Variants in IL3RA observed in about 807,000 individuals in gnomAD.
IL3RA encodes interleukin-3 receptor subunit alpha.
In IL3RA, 73 loss-of-function variants were observed where a neutral mutation model predicts 52.3. The observed-to-expected ratio is 1.40, with a 90% CI of 1.16 to 1.70. The LOEUF is 1.70. Among genes scored for constraint, IL3RA ranks in the 40% most tolerant of loss-of-function variants. IL3RA has a pLI of 0.00. For missense variants in IL3RA, 664 were observed against 504.4 expected (o/e 1.32, Z -3.03); for synonymous variants, 260 against 194.0 (o/e 1.34, Z -2.83).
rs781209956 is a variant in IL3RA, at chrX:1,367,923, C to T, written c.874+2671C>T. On this transcript the variant is annotated intron_variant, in intron 9 of 11. Transcript: ENST00000331035. ...TGTGACCCCAAAAAGGACCCTGAAC[C>T]CGACGGTGAACTCACAGCTTGCTCT... Among the ~76,000 whole-genome samples, 17 of 152,034 alleles carry T rather than the reference C, an allele frequency of 1.1e-4. 1 individual carries two copies. The East Asian group carries it at 2.9e-3, about 26-fold the overall frequency.
chrX:1,377,645 G>T (rs1321818239), intron 9 of IL3RA, among the ~76,000 whole-genome samples: 1 of 151,460 alleles, frequency 6.6e-6, no homozygotes, highest in East Asian at 1.9e-4. Flanking sequence ...CATAGGTTCT[G>T]GGGGTGAGGT....
chrX:1,346,085 C>G (rs757954647), intron 3 of IL3RA, among the ~76,000 whole-genome samples: 1 of 151,762 alleles, frequency 6.6e-6, no homozygotes, highest in Admixed American at 6.6e-5. Flanking sequence ...GAGGCTGAGG[C>G]GGGCGGATCA....
rs1159124220 is a variant in IL3RA, at chrX:1,382,430, C to G, written c.1102C>G (p.Leu368Val). The change falls in exon 12 of 12, where the codon CTG (leucine) becomes GTG (valine). Residue 368 changes from leucine to valine, a missense_variant. By Grantham distance (32) the Leu-to-Val change is conservative. Transcript: ENST00000331035. ...GGGCAAAGCCGGCCTGGAGGAGTGT[C>G]TGGTGACTGAAGTACAGGTCGTGCA... Reference protein sequence around the residue: ...EAGKAGLEECLVTEVQVVQKT With the variant: ...EAGKAGLEECVVTEVQVVQKT The G allele has an allele frequency of 2.7e-5, 44 of 1,613,780 alleles. No homozygotes were observed. Among genetic ancestry groups the G allele is most frequent in the Non-Finnish European group, 3.5e-5 (41 of 1,179,854 alleles).
At chrX:1,370,704 C>A (rs1297873030) in intron 9 of IL3RA, among the ~76,000 whole-genome samples, 1 of 29,262 alleles carries the variant, frequency 3.4e-5, no homozygotes, top group African/African-American at 2.2e-4. Context: ...TTCTAAGCCG[C>A]CCAGCCTCTG....
chrX:1,338,078 G>C (rs2085371231), intron 1 of IL3RA, among the ~76,000 whole-genome samples: 2 of 150,594 alleles, frequency 1.3e-5, no homozygotes, highest in South Asian at 4.2e-4. Flanking sequence ...GGAACAAGCA[G>C]CTTTATTCAC....
chrX:1,345,292 A>C (rs1218472940), intron 2 of IL3RA, 24 bp from the exon 3 acceptor site: 1 of 1,546,398 alleles, frequency 6.5e-7, no homozygotes, highest in Middle Eastern at 1.7e-4. Flanking sequence ...TATCTCTTCG[A>C]ACTCCAACCT....
chrX:1,346,843 C>CTA (rs1282560400), intron 3 of IL3RA, among the ~76,000 whole-genome samples: 4 of 151,214 alleles, frequency 2.6e-5, no homozygotes, highest in Non-Finnish European at 5.9e-5. Flanking sequence ...CCTCCAAGAG[C>CTA]TATGTTCGTT....
intron 2 of IL3RA, among the ~76,000 whole-genome samples, chrX:1,342,462 G>A (rs758085078): frequency 1.1e-4 from 17 of 151,732 alleles, no homozygotes; most frequent in South Asian, 2.1e-4. Context: ...CACAGCGCCC[G>A]GCCTTTTTTT....
chrX:1,365,010 T>C, intron 8 of IL3RA, 128 bp from the exon 9 acceptor site: 3 of 614,240 alleles, frequency 4.9e-6, no homozygotes, highest in Non-Finnish European at 9.0e-6. Context: ...GGTTTCACCA[T>C]GTTGGCCAGG....
Position 1,361,412 on chromosome X carries a change from G to GT in IL3RA, c.759+2526dup, listed in dbSNP as rs1395220767. On this transcript the variant is annotated intron_variant, in intron 8 of 11. Coordinates refer to ENST00000331035, the MANE Select transcript of IL3RA (RefSeq NM_002183.4). The stretch of plus-strand genomic sequence containing the variant: ...GGAGGCCTCACGATCACGGCAGAAG[G>GT]TGAAGGAGGAGGAAAGGCATGTCTT... Among the ~76,000 whole-genome samples the GT allele has an allele frequency of 6.6e-5, 10 of 152,088 alleles. No individual in the cohort carries two copies. In the South Asian group the frequency reaches 1.5e-3, roughly 22 times the overall value.
chrX:1,349,200 T>TTA (rs1386845201), intron 4 of IL3RA, among the ~76,000 whole-genome samples: 1 of 150,846 alleles, frequency 6.6e-6, no homozygotes. Context: ...TTTTTTTTTT[T>TTA]AGACAGAGTC....
At chrX:1,355,970 G>A (rs1420265401) in intron 6 of IL3RA, among the ~76,000 whole-genome samples, 1 of 152,008 alleles carries the variant, frequency 6.6e-6, no homozygotes, top group African/African-American at 2.4e-5. Context: ...TCTGAAGGCT[G>A]CTCCCAGGAC....
intron 9 of IL3RA, among the ~76,000 whole-genome samples, chrX:1,368,042 A>G (rs1374357694): frequency 6.6e-6 from 1 of 152,038 alleles, no homozygotes; most frequent in Non-Finnish European, 1.5e-5. Flanking sequence ...GGCGGATCAC[A>G]AGGTCAGGAG....
chrX:1,379,196 C>T (rs2089006025), intron 10 of IL3RA, among the ~76,000 whole-genome samples: 1 of 151,538 alleles, frequency 6.6e-6, no homozygotes, highest in African/African-American at 2.4e-5. Flanking sequence ...TGCTCTGTCA[C>T]CCAGGCTGGA....
At position 1,381,116 on chromosome X, in the gene IL3RA, T is replaced by A; in HGVS notation, c.1062+12T>A. 6.2e-7 allele frequency: 1 copy of A among 1,613,380 alleles called. No individual in the cohort carries two copies. On this transcript the variant is annotated intron_variant, in intron 11 of 11. Coordinates refer to ENST00000331035, the MANE Select transcript of IL3RA (RefSeq NM_002183.4). Reference sequence around the variant, plus strand: ...AAAACGACAAGCTGGTATGTTGTTTTTTCTGCCTTGGGACGGGTCTGGAGG... The same window carrying A: ...AAAACGACAAGCTGGTATGTTGTTTATTCTGCCTTGGGACGGGTCTGGAGG...
At chrX:1,358,694 G>A (rs2086924617) in intron 7 of IL3RA, among the ~76,000 whole-genome samples, 167 bp from the exon 8 acceptor site, 1 of 152,034 alleles carries the variant, frequency 6.6e-6, no homozygotes, top group Non-Finnish European at 1.5e-5. Context: ...TTGGTCAGGT[G>A]CTATTTACTC....
rs1426893137 is a variant in IL3RA at position 1,348,032 on chromosome X, C to G, written c.184-399C>G. Among the ~76,000 whole-genome samples, 24 of 80,002 alleles carry G rather than the reference C, an allele frequency of 3.0e-4. No individual in the cohort carries two copies. The East Asian group carries it at 4.4e-3, about 15-fold the overall frequency. The allele number at this position is 80,002 out of a possible 152,430, so 52.5% of individuals were successfully genotyped here. A position where few individuals can be genotyped will look rare whatever the true frequency, so the allele number is the denominator to read the frequency against. ...AGCCTGGGCGACAGAGCGAGACTCC[C>G]TCTCAAAAAAAAAAAAAACAGAAAA... is the stretch of plus-strand genomic sequence containing the variant. On this transcript the variant is annotated intron_variant, in intron 3 of 11. Coordinates refer to ENST00000331035, the MANE Select transcript of IL3RA (RefSeq NM_002183.4).
Position 1,381,718 on chromosome X carries a change from A to G in IL3RA, c.1062+614A>G, listed in dbSNP as rs765322672. On this transcript the variant is annotated intron_variant, in intron 11 of 11. Transcript: ENST00000331035. ...CACCGACACGCCCAGCTAATTTTGT[A>G]TTTTTAGTAGAGACGGGGTTTCACC... Among the ~76,000 whole-genome samples, 8 of 150,556 alleles carry G rather than the reference A, an allele frequency of 5.3e-5. No homozygotes were observed. In the South Asian group the frequency reaches 1.7e-3, roughly 32 times the overall value.
At chrX:1,362,668 C>T (rs2087545774) in intron 8 of IL3RA, among the ~76,000 whole-genome samples, 1 of 152,194 alleles carries the variant, frequency 6.6e-6, no homozygotes, top group African/African-American at 2.4e-5. Context: ...TCCCGCTTCT[C>T]CCAGCTCCTG....
Sources: gnomAD v4.1 joint callset for allele counts (sites outside exome capture counted in the v4.1 genomes callset) on GRCh38, gnomAD v4.1.1 for gene constraint, MANE v1.5 for transcripts, NCBI Gene and HGNC (gene_info 2026-07-23, HGNC 2026-07-21) for gene names.